The following ZNF678 variants were observed in gnomAD, a reference collection of about 807,000 sequenced individuals.
ZNF678 encodes zinc finger protein 678.
In ZNF678, 5 loss-of-function variants were observed where a neutral mutation model predicts 3.0. The ratio of observed to expected loss-of-function variants is 1.69; its 90% confidence interval spans 0.88 to 3.56. The LOEUF (loss-of-function observed/expected upper bound fraction) is 3.56, where lower values mean the gene tolerates loss of function less well. Among genes scored for constraint, ZNF678 ranks in the 30% most tolerant of loss-of-function variants. The probability of loss-of-function intolerance (pLI) is 0.00; values close to 1 mark genes in which losing one functional copy is unlikely to be tolerated. For missense variants in ZNF678, 593 were observed against 605.0 expected (o/e 0.98, Z 0.21); for synonymous variants, 218 against 199.6 (o/e 1.09, Z -0.78).
At chr1:227,571,816 G>T (rs1656850678) in intron 1 of ZNF678, among the ~76,000 whole-genome samples, 1 of 152,212 alleles carries the variant, frequency 6.6e-6, no homozygotes, top group African/African-American at 2.4e-5. Context: ...GCCGAGGCAG[G>T]TGGATCACAA....
intron 5 of ZNF678, among the ~76,000 whole-genome samples, chr1:227,667,922 C>T (rs1361391574): frequency 6.6e-6 from 1 of 152,120 alleles, no homozygotes; most frequent in Non-Finnish European, 1.5e-5. Context: ...TATTCAGATT[C>T]AAATGGGTGT....
In ZNF678 at chr1:227,646,541, C is replaced by G. The variant is rs757725475; in HGVS notation, c.-163-3C>G. On this transcript the variant is annotated splice_region_variant and splice_polypyrimidine_tract_variant and intron_variant, in intron 1 of 3. Coordinates refer to ENST00000343776, the MANE Select transcript of ZNF678 (RefSeq NM_001367909.1). ...AATACGTGTGTATTTTTCCCCCCCC[C>G]AGGGACTACTGGCATTCAGTGATGT... is the stretch of plus-strand genomic sequence containing the variant. The G allele has an allele frequency of 1.0e-5, 14 of 1,367,066 alleles. No homozygotes were observed. The highest frequency in any genetic ancestry group is 1.5e-5 in the African/African-American group (1 of 66,570). 84.7% of individuals were successfully genotyped at this position (1,367,066 alleles called of 1,614,324 possible).
At chr1:227,570,417 A>G (rs769181595) in intron 1 of ZNF678, among the ~76,000 whole-genome samples, 6 of 152,216 alleles carry the variant, frequency 3.9e-5, no homozygotes, top group Non-Finnish European at 7.3e-5. Flanking sequence ...GTTAACTTAC[A>G]GATTGCTTTG....
intron 2 of ZNF678, among the ~76,000 whole-genome samples, chr1:227,648,464 C>T (rs1659011127): frequency 6.6e-6 from 1 of 152,108 alleles, no homozygotes; most frequent in South Asian, 2.1e-4. Flanking sequence ...ATGTCTACTG[C>T]CTTAGCAAAT....
chr1:227,651,139 A>AG, intron 3 of ZNF678, 63 bp downstream of exon 3: 2 of 1,582,832 alleles, frequency 1.3e-6, no homozygotes, highest in Non-Finnish European at 1.7e-6. Context: ...CATAGTAGAG[A>AG]GGGGATATAC....
At chr1:227,673,954 G>T (rs1012024086) in intron 5 of ZNF678, among the ~76,000 whole-genome samples, 1 of 152,064 alleles carries the variant, frequency 6.6e-6, no homozygotes, top group South Asian at 2.1e-4. Context: ...ATATTATTAT[G>T]AAGTATATGA....
intron 1 of ZNF678, among the ~76,000 whole-genome samples, chr1:227,636,573 T>A (rs754672391): frequency 6.6e-5 from 10 of 152,230 alleles, no homozygotes; most frequent in Middle Eastern, 3.2e-3. Context: ...GGCAGGACCA[T>A]AATATTGGAT....
chr1:227,565,522 A>G lies in ZNF678; in HGVS notation c.-164+1798A>G, dbSNP rs1235809971. Among the ~76,000 whole-genome samples, 2 of 122,968 alleles carry G rather than the reference A, an allele frequency of 1.6e-5. 1 individual carries two copies. Among genetic ancestry groups the G allele is most frequent in the South Asian group, 5.5e-4 (2 of 3,656 alleles). 80.7% of individuals were successfully genotyped at this position (122,968 alleles called of 152,430 possible). ...AATGTGTGTGCTGCCATGCCCAGCT[A>G]ATTCTTTTTATTTTATTTTTTTGTA... On this transcript the variant is annotated intron_variant, in intron 1 of 3. Coordinates refer to ENST00000343776, the MANE Select transcript of ZNF678 (RefSeq NM_001367909.1).
At chr1:227,620,476 C>T (rs1007851431) in intron 1 of ZNF678, among the ~76,000 whole-genome samples, 8 of 152,118 alleles carry the variant, frequency 5.3e-5, no homozygotes, top group Admixed American at 5.2e-4. Context: ...TGCGTTGTTT[C>T]ACGTCTGTTT....
In ZNF678 at chr1:227,660,898, G is replaced by A. The variant is rs1231832037; in HGVS notation, c.*5070G>A. On this transcript the variant is annotated 3_prime_UTR_variant, in exon 4 of 4. Coordinates refer to ENST00000343776, the MANE Select transcript of ZNF678 (RefSeq NM_001367909.1). ...ATGTTCTATATGTAATTTGTTTTGA[G>A]ATTTTGTCATAAAGTAATGTTGAAT... 1 of 152,126 alleles carries A rather than the reference G, an allele frequency of 6.6e-6. No individual in the cohort carries two copies. Among genetic ancestry groups the A allele is most frequent in the African/African-American group, 2.4e-5 (1 of 41,432 alleles). The allele number at this position is 152,126 out of a possible 1,614,324, so 9.4% of individuals were successfully genotyped here.
Position 227,667,788 on chromosome 1 carries a change from T to C in ZNF678, c.227-9391T>C, listed in dbSNP as rs548577155. 1.4e-4 allele frequency among the ~76,000 whole-genome samples: 22 copies of C among 152,338 alleles called. No homozygotes were observed. The Middle Eastern group carries it at 0.014, about 94-fold the overall frequency. On this transcript the variant is annotated intron_variant, in intron 5 of 5. Transcript: ENST00000608949. ...GAAATAAATATACCCCGAACTTATT[T>C]ATCAGGCTCCTAATGGATCAGAGAA...
At chr1:227,590,085 A>AGG (rs2102737164) in intron 1 of ZNF678, among the ~76,000 whole-genome samples, 1 of 151,978 alleles carries the variant, frequency 6.6e-6, no homozygotes, top group South Asian at 2.1e-4. Context: ...GAATGAGTGC[A>AGG]GGTAGTAAAT....
downstream of ZNF678, among the ~76,000 whole-genome samples, chr1:227,666,549 T>G (rs1366702787): frequency 6.6e-6 from 1 of 152,156 alleles, no homozygotes; most frequent in Non-Finnish European, 1.5e-5. Flanking sequence ...CCTTGACTTG[T>G]GGCTTAGGGG....
chr1:227,600,866 T>G (rs975471243), intron 1 of ZNF678, among the ~76,000 whole-genome samples: 6 of 152,246 alleles, frequency 3.9e-5, no homozygotes, highest in Non-Finnish European at 8.8e-5. Context: ...CCTGTCTGTA[T>G]GTCCAGGATG....
rs1465632171 is a variant in ZNF678 at position 227,660,408 on chromosome 1, A to G, written c.*4580A>G. 1 of 151,866 alleles carries G rather than the reference A, an allele frequency of 6.6e-6. No homozygotes were observed. The highest frequency in any genetic ancestry group is 1.5e-5 in the Non-Finnish European group (1 of 67,912). 9.4% of individuals were successfully genotyped at this position (151,866 alleles called of 1,614,324 possible). On this transcript the variant is annotated 3_prime_UTR_variant, in exon 4 of 4. Coordinates refer to ENST00000343776, the MANE Select transcript of ZNF678 (RefSeq NM_001367909.1). ...TTCATTTATTTATGTTTAATTTTAT[A>G]CCTCAGTTTTCTTTAGCTTTTAATG...
chr1:227,651,139 A>AGG, intron 3 of ZNF678, 63 bp downstream of exon 3: 1 of 1,582,832 alleles, frequency 6.3e-7, no homozygotes. Context: ...CATAGTAGAG[A>AGG]GGGGATATAC....
chr1:227,613,539 T>A (rs185796428), intron 1 of ZNF678, among the ~76,000 whole-genome samples: 26 of 152,316 alleles, frequency 1.7e-4, no homozygotes, highest in Non-Finnish European at 3.1e-4. Context: ...CTAGGTCTTT[T>A]GAAAAATGAC....
chr1:227,603,957 C>T (rs1034593235), intron 1 of ZNF678, among the ~76,000 whole-genome samples: 1 of 152,162 alleles, frequency 6.6e-6, no homozygotes, highest in Admixed American at 6.5e-5. Flanking sequence ...TCTTTTGCTT[C>T]TGGTTTCTAT....
intron 1 of ZNF678, among the ~76,000 whole-genome samples, chr1:227,612,254 G>A (rs1414270310): frequency 6.6e-6 from 1 of 152,106 alleles, no homozygotes; most frequent in Non-Finnish European, 1.5e-5. Flanking sequence ...AGGTCATGAG[G>A]TTGGTTCTCA....
Sources: allele counts gnomAD v4.1 joint callset (sites outside exome capture counted in the v4.1 genomes callset), GRCh38; gene constraint gnomAD v4.1.1; transcripts MANE v1.5; gene names NCBI Gene and HGNC (gene_info 2026-07-23, HGNC 2026-07-21).